The following ATP2C1 variants were observed in gnomAD, a reference collection of about 807,000 sequenced individuals.
The protein encoded by ATP2C1 is calcium-transporting ATPase type 2C member 1.
In ATP2C1, 31 loss-of-function variants were observed where a neutral mutation model predicts 120.5. The ratio of observed to expected loss-of-function variants is 0.26; its 90% CI spans 0.19 to 0.35. ATP2C1 has a LOEUF of 0.35. ATP2C1 is among the 10% of genes least tolerant of loss of function. The pLI, the probability that ATP2C1 is intolerant of heterozygous loss-of-function variation, is 1.00. For synonymous variants in ATP2C1, 351 were observed against 358.7 expected (o/e 0.98, Z 0.24); for missense variants, 731 against 1,107.5 (o/e 0.66, Z 4.83).
chr3:130,869,188 G>A (rs1576551458), intron 1 of ATP2C1: 1 of 117,236 alleles, frequency 8.5e-6, no homozygotes, highest in African/African-American at 3.4e-5. Context: ...GATTAAGGGC[G>A]GTGCAAGATG....
intron 16 of ATP2C1, among the ~76,000 whole-genome samples, chr3:130,968,894 C>T (rs927888587): frequency 2.6e-5 from 4 of 151,988 alleles, no homozygotes; most frequent in African/African-American, 9.7e-5. Flanking sequence ...AACAGGTGAG[C>T]CATTTGAGTC....
chr3:131,016,198 C>A lies in ATP2C1; in HGVS notation c.*9C>A, dbSNP rs375974705. ...GGACAGCAGCTGGTTGAGATACATC[C>A]CCATCTGGAGACAGGACTGCCACTG... On this transcript the variant is annotated 3_prime_UTR_variant, in exon 27 of 27. Coordinates refer to the ATP2C1 transcript ENST00000328560. 6.8e-6 allele frequency: 11 copies of A among 1,613,960 alleles called. No homozygotes were observed. The African/African-American group carries it at 1.5e-4, about 22-fold the overall frequency.
chr3:130,952,474 T>G (rs1559966450), intron 8 of ATP2C1, among the ~76,000 whole-genome samples: 1 of 152,098 alleles, frequency 6.6e-6, no homozygotes, highest in Non-Finnish European at 1.5e-5. Context: ...AAGATGTAAT[T>G]TATAACTTTT....
intron 2 of ATP2C1, among the ~76,000 whole-genome samples, chr3:130,898,716 C>T (rs1303383440): frequency 6.6e-6 from 1 of 152,096 alleles, no homozygotes; most frequent in African/African-American, 2.4e-5. Flanking sequence ...CAGCAGAATT[C>T]AGGTCTGTTA....
intron 2 of ATP2C1, among the ~76,000 whole-genome samples, chr3:130,911,603 G>A (rs952072881): frequency 1.4e-4 from 22 of 152,096 alleles, no homozygotes; most frequent in Non-Finnish European, 2.8e-4. Context: ...ATAAATTGAG[G>A]ATACAAACAA....
chr3:130,877,832 T>A (rs2068653831), intron 1 of ATP2C1, among the ~76,000 whole-genome samples: 2 of 152,194 alleles, frequency 1.3e-5, no homozygotes, highest in South Asian at 4.1e-4. Context: ...TAAAGACACA[T>A]GCACGTGTAT....
At chr3:130,959,456 C>A in intron 12 of ATP2C1, 115 bp downstream of exon 12, 1 of 669,850 alleles carries the variant, frequency 1.5e-6, no homozygotes, top group Non-Finnish European at 2.7e-6. Flanking sequence ...AAGAGTATAA[C>A]ATCGCTACAT....
intron 17 of ATP2C1, among the ~76,000 whole-genome samples, chr3:130,969,631 T>G (rs1417376616): frequency 6.6e-6 from 1 of 152,196 alleles, no homozygotes; most frequent in African/African-American, 2.4e-5. Context: ...GCAAACAGCT[T>G]AAATGAGTTG....
intron 1 of ATP2C1, among the ~76,000 whole-genome samples, chr3:130,871,715 C>T (rs1157926336): frequency 6.6e-6 from 1 of 152,176 alleles, no homozygotes; most frequent in Non-Finnish European, 1.5e-5. Flanking sequence ...CCTAGTGTTA[C>T]TTAATGCTTA....
At chr3:130,944,465 C>T (rs370772929) in intron 8 of ATP2C1, among the ~76,000 whole-genome samples, 5 of 152,290 alleles carry the variant, frequency 3.3e-5, no homozygotes, top group African/African-American at 1.2e-4. Flanking sequence ...AGATGGCTAT[C>T]TTCTTGCAGA....
chr3:130,946,585 A>ATT (rs1377947266), intron 8 of ATP2C1, among the ~76,000 whole-genome samples: 1 of 152,194 alleles, frequency 6.6e-6, no homozygotes, highest in Admixed American at 6.5e-5. Flanking sequence ...ACCCGCTAAC[A>ATT]AGCAGCTTCC....
intron 2 of ATP2C1, among the ~76,000 whole-genome samples, chr3:130,912,528 A>C (rs2058477394): frequency 6.8e-6 from 1 of 146,522 alleles, no homozygotes; most frequent in African/African-American, 2.6e-5. Context: ...GCCATCAGAG[A>C]AATGCAAATC....
chr3:130,911,372 A>G (rs922323729), intron 2 of ATP2C1, among the ~76,000 whole-genome samples: 4 of 149,612 alleles, frequency 2.7e-5, no homozygotes, highest in African/African-American at 7.4e-5. Flanking sequence ...GTGGTCTATC[A>G]ATTTTGTTGA....
chr3:130,884,269 G>A (rs1459980108), intron 1 of ATP2C1, among the ~76,000 whole-genome samples: 2 of 152,022 alleles, frequency 1.3e-5, no homozygotes, highest in African/African-American at 4.8e-5. Context: ...TTGACCCACT[G>A]GTCATTCAGG....
intron 22 of ATP2C1, 63 bp from the exon 23 acceptor site, chr3:130,995,980 T>C (rs941530971): frequency 2.2e-5 from 24 of 1,069,674 alleles, no homozygotes; most frequent in Middle Eastern, 2.3e-4. Context: ...TACAGTGTTT[T>C]AGTATAGATA....
At chr3:130,952,313 G>T (rs2060403322) in intron 8 of ATP2C1, among the ~76,000 whole-genome samples, 1 of 152,106 alleles carries the variant, frequency 6.6e-6, no homozygotes, top group Non-Finnish European at 1.5e-5. Context: ...ATTGTAAGCA[G>T]TAATAAATAT....
chr3:130,878,175 T>G (rs1489539366), intron 1 of ATP2C1, among the ~76,000 whole-genome samples: 1 of 147,276 alleles, frequency 6.8e-6, no homozygotes, highest in African/African-American at 2.5e-5. Flanking sequence ...CATTAGGAGA[T>G]ATACTTAATG....
At chr3:130,932,903 C>G (rs1322841418) in intron 4 of ATP2C1, among the ~76,000 whole-genome samples, 2 of 152,096 alleles carry the variant, frequency 1.3e-5, no homozygotes, top group African/African-American at 4.8e-5. Flanking sequence ...CTTAATTTTG[C>G]GAATGAGTTT....
chr3:131,001,226 T>G lies in ATP2C1; in HGVS notation c.2636T>G (p.Leu879Trp). Residue 879 changes from leucine (L) to tryptophan (W), a missense_variant, in exon 28 of 28, where the codon TTG (leucine) becomes TGG (tryptophan). Physicochemically the swap from Leu to Trp is moderately conservative, Grantham distance 61. Coordinates refer to ENST00000510168, the MANE Select transcript of ATP2C1 (RefSeq NM_001378687.1). ...AACTTATTTTCTCTTGCAGATCTGT[T>G]GTTTCTTTTGGGTCTCACCTCATCA... ...QTESLSILDL[L>W]FLLGLTSSVC... 6.2e-7 allele frequency: 1 copy of G among 1,613,690 alleles called. No homozygotes were observed. Among genetic ancestry groups the G allele is most frequent in the Non-Finnish European group, 8.5e-7 (1 of 1,179,744 alleles).
Sources: allele counts gnomAD v4.1 joint callset (sites outside exome capture counted in the v4.1 genomes callset), GRCh38; gene constraint gnomAD v4.1.1; transcripts MANE v1.5; gene names NCBI Gene and HGNC (gene_info 2026-07-23, HGNC 2026-07-21).